The following PSMD5 variants were observed in gnomAD, a reference collection of about 807,000 sequenced individuals.
The protein encoded by PSMD5 is proteasome 26S subunit, non-ATPase 5.
In PSMD5, 40 loss-of-function variants were observed where a neutral mutation model predicts 52.1. The observed-to-expected ratio is 0.77, with a 90% CI of 0.60 to 1.00. The LOEUF (loss-of-function observed/expected upper bound fraction) is 1.00. Among genes scored for constraint, PSMD5 ranks in the 50% least tolerant of loss-of-function variants. The probability of loss-of-function intolerance (pLI) is 0.00; values close to 1 mark genes in which losing one functional copy is unlikely to be tolerated. For synonymous variants in PSMD5, 211 were observed against 226.6 expected (o/e 0.93, Z 0.62); for missense variants, 575 against 605.2 (o/e 0.95, Z 0.52).
chr9:120,842,829 G>C lies in PSMD5; in HGVS notation c.81C>G (p.Ser27=), dbSNP rs763151713. 5 of 1,610,730 alleles carry C rather than the reference G, an allele frequency of 3.1e-6. No homozygotes were observed. Among genetic ancestry groups the C allele is most frequent in the East Asian group, 2.2e-5 (1 of 44,856 alleles). The change falls in exon 1 of 10, where the codon TCC becomes TCG. Residue 27 remains serine, a synonymous_variant. Transcript: ENST00000210313. ...APLEELRALH[S]VLQAVPLNEL... is the part of the protein sequence containing the mutation. Reference sequence around the variant, plus strand: ...CGTTGAGCGGCACTGCCTGCAGCACGGAGTGAAGCGCGCGTAGCTCCTCCA... The same window carrying C: ...CGTTGAGCGGCACTGCCTGCAGCACCGAGTGAAGCGCGCGTAGCTCCTCCA...
At chr9:120,828,615 A>T (rs1229191790) in intron 5 of PSMD5, among the ~76,000 whole-genome samples, 1 of 151,798 alleles carries the variant, frequency 6.6e-6, no homozygotes, top group Non-Finnish European at 1.5e-5. Context: ...TTTAGTAGGG[A>T]CAGGGTTTCA....
At chr9:120,832,245 C>A (rs1240018252) in intron 2 of PSMD5, among the ~76,000 whole-genome samples, 1 of 152,158 alleles carries the variant, frequency 6.6e-6, no homozygotes, top group South Asian at 2.1e-4. Flanking sequence ...ATTTTAGCCC[C>A]ATTTCTTATC....
At chr9:120,820,610 G>A (rs1744513236) in intron 9 of PSMD5, among the ~76,000 whole-genome samples, 1 of 152,202 alleles carries the variant, frequency 6.6e-6, no homozygotes, top group Non-Finnish European at 1.5e-5. Flanking sequence ...GGAATTAACT[G>A]TGTGATCCCA....
intron 7 of PSMD5, among the ~76,000 whole-genome samples, chr9:120,823,409 A>G (rs1240982974): frequency 6.7e-6 from 1 of 150,360 alleles, no homozygotes; most frequent in African/African-American, 2.5e-5. Flanking sequence ...GGGTTTCACC[A>G]TGTTGGCCAG....
chr9:120,833,672 C>CTTTTTTTTT (rs71385094), intron 1 of PSMD5, among the ~76,000 whole-genome samples: 4 of 85,618 alleles, frequency 4.7e-5, no homozygotes, highest in African/African-American at 4.8e-5. Context: ...CTCTAGTCTT[C>CTTTTTTTTT]TTTTTTTTTT....
intron 1 of PSMD5, among the ~76,000 whole-genome samples, chr9:120,837,321 G>A (rs1183666454): frequency 6.6e-6 from 1 of 152,162 alleles, no homozygotes; most frequent in African/African-American, 2.4e-5. Context: ...CACCTAGCCT[G>A]AAGAACCGAA....
At chr9:120,819,837 A>G (rs1288900513) in intron 9 of PSMD5, among the ~76,000 whole-genome samples, 1 of 146,508 alleles carries the variant, frequency 6.8e-6, no homozygotes, top group East Asian at 2.0e-4. Context: ...CTCTGTCTCA[A>G]AAAAAAAAAT....
chr9:120,826,940 T>C, intron 5 of PSMD5, 33 bp from the exon 6 acceptor site: 1 of 1,592,470 alleles, frequency 6.3e-7, no homozygotes, highest in African/African-American at 1.3e-5. Context: ...ACAAGGAGAT[T>C]TTGCACAGGA....
At position 120,820,846 on chromosome 9, in the gene PSMD5, A is replaced by G. The variant is rs2131420237; in HGVS notation, c.1250T>C (p.Val417Ala). The G allele has an allele frequency of 6.3e-7, 1 of 1,577,078 alleles. No individual in the cohort carries two copies. Among genetic ancestry groups the G allele is most frequent in the Non-Finnish European group, 8.6e-7 (1 of 1,169,186 alleles). The change falls in exon 9 of 10, where the codon GTG (valine) becomes GCG (alanine). Residue 417 changes from valine (V) to alanine (A), a missense_variant. Val to Ala is a moderately conservative substitution (Grantham distance 64). Transcript: ENST00000210313. ...ATGGAAGTGAATACCTACCGTAAAC[A>G]CTTTTAAGGCAGCACAGTGTAGTTC... is the stretch of plus-strand genomic sequence containing the variant. ...FPELHCAALK[V>A]FTAIANQPWA...
At position 120,829,320 on chromosome 9, in the gene PSMD5, T is replaced by TA. The variant is rs2045144950; in HGVS notation, c.562-113dup. ...CTAGGTACTTTTTATAAATGAGTTT[T>TA]AAAAAATCCATTATTTGTCTCTTTA... On this transcript the variant is annotated intron_variant, in intron 4 of 9. Coordinates refer to ENST00000210313, the MANE Select transcript of PSMD5 (RefSeq NM_005047.4). The TA allele has an allele frequency of 6.4e-6, 8 of 1,242,342 alleles. No individual in the cohort carries two copies. The South Asian group carries it at 1.8e-4, about 28-fold the overall frequency. 77.0% of individuals were successfully genotyped at this position (1,242,342 alleles called of 1,614,324 possible).
At chr9:120,826,576 C>A in intron 6 of PSMD5, 189 bp downstream of exon 6, 1 of 623,626 alleles carries the variant, frequency 1.6e-6, no homozygotes, top group South Asian at 2.5e-5. Flanking sequence ...GGGTGGATGA[C>A]CCTTTTAATG....
chr9:120,839,956 A>G lies in PSMD5; in HGVS notation c.173+2781T>C, dbSNP rs538621634. ...GCCAACATGGTGAAACTGCATCTCT[A>G]TTAAAAACACAAAAAATTAGCTGGG... On this transcript the variant is annotated intron_variant, in intron 1 of 9. Coordinates refer to ENST00000210313, the MANE Select transcript of PSMD5 (RefSeq NM_005047.4). Among the ~76,000 whole-genome samples, 833 of 151,402 alleles carry G rather than the reference A, an allele frequency of 5.5e-3. 10 individuals are homozygous for G. Among genetic ancestry groups the G allele is most frequent in the African/African-American group, 0.019 (785 of 41,396 alleles).
Position 120,821,459 on chromosome 9 carries a change from G to A in PSMD5, c.1012C>T (p.Arg338Cys), listed in dbSNP as rs1232991167. ...ATTCTCATAAGCAAGCGTTCAAAGC[G>A]AGTTCCTTTGAAGGATAACAGTGAG... ...GKQVLQKTGTRFERLLMRIGH... is the reference protein window; with the variant it reads ...GKQVLQKTGTCFERLLMRIGH... The change falls in exon 8 of 10, where the codon CGC (arginine) becomes TGC (cysteine). Residue 338 changes from arginine (R) to cysteine (C), a missense_variant. Transcript: ENST00000210313. 4.4e-6 allele frequency: 7 copies of A among 1,579,676 alleles called. No homozygotes were observed. The East Asian group carries it at 6.7e-5, about 15-fold the overall frequency.
intron 8 of PSMD5, 94 bp from the exon 9 acceptor site, chr9:120,821,073 C>CT: frequency 7.4e-7 from 1 of 1,347,934 alleles, no homozygotes; most frequent in Non-Finnish European, 1.0e-6. Flanking sequence ...TGATGGCACT[C>CT]TGTCATTAAT....
intron 9 of PSMD5, among the ~76,000 whole-genome samples, chr9:120,818,721 C>G (rs1391732086): frequency 6.9e-6 from 1 of 144,184 alleles, no homozygotes; most frequent in Non-Finnish European, 1.5e-5. Flanking sequence ...CCTCTTTTAA[C>G]ATAGACAAAT....
chr9:120,841,566 G>A (rs559468466), intron 1 of PSMD5, among the ~76,000 whole-genome samples: 14 of 152,054 alleles, frequency 9.2e-5, no homozygotes, highest in African/African-American at 3.1e-4. Flanking sequence ...GAGACAGAGC[G>A]AGACTCGTCT....
chr9:120,839,627 C>T (rs894000288), intron 1 of PSMD5, among the ~76,000 whole-genome samples: 3 of 152,108 alleles, frequency 2.0e-5, no homozygotes, highest in Non-Finnish European at 4.4e-5. Context: ...TGAAATCATC[C>T]ACTGTTGATT....
At chr9:120,819,413 A>G (rs897352425) in intron 9 of PSMD5, among the ~76,000 whole-genome samples, 1 of 152,272 alleles carries the variant, frequency 6.6e-6, no homozygotes, top group Admixed American at 6.5e-5. Flanking sequence ...TATTTCTACA[A>G]TGGAACCAGC....
chr9:120,828,443 CTTTTTTTTT>C (rs34354549), intron 5 of PSMD5, among the ~76,000 whole-genome samples: 1 of 132,586 alleles, frequency 7.5e-6, no homozygotes, highest in East Asian at 2.2e-4. Context: ...AGCTCATATT[CTTTTTTTTT>C]TTTTTTTTTG....
Sources: allele counts gnomAD v4.1 joint callset (sites outside exome capture counted in the v4.1 genomes callset), GRCh38; gene constraint gnomAD v4.1.1; transcripts MANE v1.5; gene names NCBI Gene and HGNC (gene_info 2026-07-23, HGNC 2026-07-21).